Variants in AGPAT4 observed in about 807,000 individuals in gnomAD.
The protein encoded by AGPAT4 is 1-acyl-sn-glycerol-3-phosphate acyltransferase delta.
Under a neutral mutation model 48.0 loss-of-function variants are expected in AGPAT4, and 15 were observed. The ratio of observed to expected loss-of-function variants is 0.31; its 90% CI spans 0.21 to 0.48. The LOEUF is 0.48. Ranked by LOEUF, AGPAT4 falls within the 20% of genes least tolerant of loss-of-function variation. AGPAT4 has a pLI of 0.99. For missense variants in AGPAT4, 314 were observed against 482.5 expected (o/e 0.65, Z 3.27); for synonymous variants, 178 against 198.7 (o/e 0.90, Z 0.88).
At position 161,132,017 on chromosome 6, in the gene AGPAT4, A is replaced by T. The variant is rs558157997; in HGVS notation, c.*4523T>A. 9 of 152,478 alleles carry T rather than the reference A, an allele frequency of 5.9e-5. No individual in the cohort carries two copies. Among genetic ancestry groups the T allele is most frequent in the African/African-American group, 2.2e-4 (9 of 41,574 alleles). 9.4% of individuals were successfully genotyped at this position (152,478 alleles called of 1,614,324 possible). On this transcript the variant is annotated 3_prime_UTR_variant, in exon 9 of 9. Transcript: ENST00000320285. ...TGAATTAGAGTGCTGGGATGTGCTA[A>T]TGCCTAGGGAGGCATCAGGCACTGT... is the stretch of plus-strand genomic sequence containing the variant.
At position 161,133,990 on chromosome 6, in the gene AGPAT4, TGAG is replaced by T. The variant is rs1303799104; in HGVS notation, c.*2547_*2549del. ...TGACCTGAACATGGGTGAAGGTATT[TGAG>T]GAGGCGTGATGAGCTTCCGTCCAGG... is the stretch of plus-strand genomic sequence containing the variant. On this transcript the variant is annotated 3_prime_UTR_variant, in exon 9 of 9. Coordinates refer to ENST00000320285, the MANE Select transcript of AGPAT4 (RefSeq NM_020133.3). 6.6e-6 allele frequency: 1 copy of T among 152,208 alleles called. No homozygotes were observed. 9.4% of individuals were successfully genotyped at this position (152,208 alleles called of 1,614,324 possible).
intron 2 of AGPAT4, among the ~76,000 whole-genome samples, chr6:161,211,654 T>C (rs1781526261): frequency 1.3e-5 from 2 of 152,168 alleles, no homozygotes; most frequent in Non-Finnish European, 2.9e-5. Flanking sequence ...TATGATCAAG[T>C]TGTCATATTA....
chr6:161,167,912 T>C (rs866122991), intron 2 of AGPAT4, among the ~76,000 whole-genome samples: 3 of 152,240 alleles, frequency 2.0e-5, no homozygotes, highest in Admixed American at 1.3e-4. Context: ...CCCAGCAAAC[T>C]GAAGCTATCA....
At position 161,156,890 on chromosome 6, in the gene AGPAT4, G is replaced by T. The variant is rs142743876; in HGVS notation, c.349-2580C>A. Among the ~76,000 whole-genome samples the T allele has an allele frequency of 2.1e-3, 314 of 152,354 alleles. 2 individuals carry two copies. Among genetic ancestry groups the T allele is most frequent in the African/African-American group, 7.2e-3 (301 of 41,582 alleles). On this transcript the variant is annotated intron_variant, in intron 3 of 8. Coordinates refer to ENST00000320285, the MANE Select transcript of AGPAT4 (RefSeq NM_020133.3). ...GACATGCTCCTGCTGCAGTTAACTAGCCCAACCTATTCCTTTAATTCACCC... is the reference window on the plus strand; with the variant it reads ...GACATGCTCCTGCTGCAGTTAACTATCCCAACCTATTCCTTTAATTCACCC...
chr6:161,208,735 T>C lies in AGPAT4; in HGVS notation c.178+23301A>G, dbSNP rs974106423. ...TGTTCAAAAGAAAACTATTTGGTGC[T>C]GATTTATTTAAATAAAAAATTATTT... On this transcript the variant is annotated intron_variant, in intron 2 of 8. Coordinates refer to ENST00000320285, the MANE Select transcript of AGPAT4 (RefSeq NM_020133.3). This position sits in a 1 kb window ranked among gnomAD's most constrained non-coding sequence, Gnocchi z 4.6. Among the ~76,000 whole-genome samples, 3 of 152,240 alleles carry C rather than the reference T, an allele frequency of 2.0e-5. No homozygotes were observed. Among genetic ancestry groups the C allele is most frequent in the African/African-American group, 7.2e-5 (3 of 41,464 alleles).
rs1377263162 is a variant in AGPAT4 at position 161,231,403 on chromosome 6, G to A, written c.178+633C>T. On this transcript the variant is annotated intron_variant, in intron 2 of 8. Coordinates refer to ENST00000320285, the MANE Select transcript of AGPAT4 (RefSeq NM_020133.3). This position sits in a 1 kb window ranked among gnomAD's most constrained non-coding sequence, Gnocchi z 5.3. Reference sequence around the variant, plus strand: ...CACACACAAATGAGTGTACTTAAAAGTGGAGAAATAGGAGTAGGGTTGTGG... The same window carrying A: ...CACACACAAATGAGTGTACTTAAAAATGGAGAAATAGGAGTAGGGTTGTGG... 6.6e-6 allele frequency among the ~76,000 whole-genome samples: 1 copy of A among 152,004 alleles called. No homozygotes were observed. Among genetic ancestry groups the A allele is most frequent in the Non-Finnish European group, 1.5e-5 (1 of 68,022 alleles).
chr6:161,183,360 C>T (rs971550957), intron 2 of AGPAT4, among the ~76,000 whole-genome samples: 7 of 151,960 alleles, frequency 4.6e-5, no homozygotes, highest in African/African-American at 1.7e-4. Context: ...AGGCTCACAA[C>T]TGTAATCCCA....
chr6:161,200,752 A>G lies in AGPAT4; in HGVS notation c.178+31284T>C, dbSNP rs3798930. ...TCAAATGAGGCTCCATCTGTTCCTG[A>G]AGCCATACGGTCCATGTGTTACACT... On this transcript the variant is annotated intron_variant, in intron 2 of 8. Coordinates refer to ENST00000320285, the MANE Select transcript of AGPAT4 (RefSeq NM_020133.3). This position sits in a 1 kb window ranked among gnomAD's most constrained non-coding sequence, Gnocchi z 5.5. 0.68 allele frequency among the ~76,000 whole-genome samples: 103,768 copies of G among 152,090 alleles called. 36,559 individuals are homozygous for G. Among genetic ancestry groups the G allele is most frequent in the African/African-American group, 0.86 (35,534 of 41,512 alleles).
rs1164400232 is a variant in AGPAT4 at position 161,149,424 on chromosome 6, T to C, written c.665-135A>G. 2 of 692,382 alleles carry C rather than the reference T, an allele frequency of 2.9e-6. No individual in the cohort carries two copies. Among genetic ancestry groups the C allele is most frequent in the South Asian group, 4.6e-5 (2 of 43,260 alleles). The allele number at this position is 692,382 out of a possible 1,614,324, so 42.9% of individuals were successfully genotyped here. On this transcript the variant is annotated intron_variant, in intron 5 of 8. Coordinates refer to ENST00000320285, the MANE Select transcript of AGPAT4 (RefSeq NM_020133.3). The surrounding 1 kb of genome is among the most constrained non-coding windows in gnomAD (Gnocchi z 6.5). ...AAATGGTGTGGTCAGATTTCTTTCTTTCTATATGGTCCACATGTTCTACAC... is the reference window on the plus strand; with the variant it reads ...AAATGGTGTGGTCAGATTTCTTTCTCTCTATATGGTCCACATGTTCTACAC...
chr6:161,178,484 C>T lies in AGPAT4; in HGVS notation c.179-12067G>A, dbSNP rs1455693551. Among the ~76,000 whole-genome samples, 3 of 152,294 alleles carry T rather than the reference C, an allele frequency of 2.0e-5. No individual in the cohort carries two copies. Among genetic ancestry groups the T allele is most frequent in the Non-Finnish European group, 2.9e-5 (2 of 68,032 alleles). On this transcript the variant is annotated intron_variant, in intron 2 of 8. Coordinates refer to ENST00000320285, the MANE Select transcript of AGPAT4 (RefSeq NM_020133.3). This position sits in a 1 kb window ranked among gnomAD's most constrained non-coding sequence, Gnocchi z 5.1. ...CCATTTGCTAAGACCGTTGGAAAAG[C>T]GCAGTATTAGGGTGGGAGTGAACCA...
chr6:161,213,675 T>C (rs1481940484), intron 2 of AGPAT4, among the ~76,000 whole-genome samples: 1 of 152,212 alleles, frequency 6.6e-6, no homozygotes, highest in East Asian at 1.9e-4. Flanking sequence ...TGCCTACTGA[T>C]GTATGGGCTT....
rs1782205214 is a variant in AGPAT4 at position 161,234,254 on chromosome 6, G to T, written c.-89-1952C>A. Among the ~76,000 whole-genome samples, 1 of 152,194 alleles carries T rather than the reference G, an allele frequency of 6.6e-6. No individual in the cohort carries two copies. The highest frequency in any genetic ancestry group is 2.1e-4 in the South Asian group (1 of 4,824). On this transcript the variant is annotated intron_variant, in intron 1 of 8. Transcript: ENST00000320285. The surrounding 1 kb of genome is among the most constrained non-coding windows in gnomAD (Gnocchi z 4.4). Reference sequence around the variant, plus strand: ...ACTGGGACTATCCAGAAGGCAGGCTGCATTCCTGCAAGATTCCTATACATT... The same window carrying T: ...ACTGGGACTATCCAGAAGGCAGGCTTCATTCCTGCAAGATTCCTATACATT...
Position 161,142,499 on chromosome 6 carries a change from AGAG to A in AGPAT4, c.844-2882_844-2880del, listed in dbSNP as rs1436050783. 2.6e-5 allele frequency among the ~76,000 whole-genome samples: 4 copies of A among 152,206 alleles called. No individual in the cohort carries two copies. The highest frequency in any genetic ancestry group is 5.9e-5 in the Non-Finnish European group (4 of 68,034). ...GAAAGAAGCATCAACCTACAAGCCA[AGAG>A]GAGAACGAGATCCTATTGAGAGGCG... On this transcript the variant is annotated intron_variant, in intron 7 of 8. Transcript: ENST00000320285. This position sits in a 1 kb window ranked among gnomAD's most constrained non-coding sequence, Gnocchi z 6.4.
intron 1 of AGPAT4, among the ~76,000 whole-genome samples, chr6:161,239,470 GA>G (rs1292364997): frequency 6.6e-6 from 1 of 152,172 alleles, no homozygotes; most frequent in African/African-American, 2.4e-5. Context: ...CCACTAGCTG[GA>G]TTTAAAAGGT....
At chr6:161,194,301 C>A (rs1583318633) in intron 2 of AGPAT4, among the ~76,000 whole-genome samples, 1 of 152,134 alleles carries the variant, frequency 6.6e-6, no homozygotes, top group Admixed American at 6.5e-5. Flanking sequence ...ATGTGCAGTT[C>A]TCATTGTAAT....
intron 1 of AGPAT4, among the ~76,000 whole-genome samples, chr6:161,271,408 C>T (rs1488292845): frequency 3.9e-5 from 6 of 152,202 alleles, no homozygotes; most frequent in Non-Finnish European, 7.3e-5. Flanking sequence ...CTCTGCTCTT[C>T]TTTTCGCCAC....
rs73782848 is a variant in AGPAT4, at chr6:161,266,299, G to T, written c.-90+7639C>A. Among the ~76,000 whole-genome samples, 1 of 152,202 alleles carries T rather than the reference G, an allele frequency of 6.6e-6. No homozygotes were observed. The highest frequency in any genetic ancestry group is 2.4e-5 in the African/African-American group (1 of 41,450). On this transcript the variant is annotated intron_variant, in intron 1 of 8. Coordinates refer to ENST00000320285, the MANE Select transcript of AGPAT4 (RefSeq NM_020133.3). The surrounding 1 kb of genome is among the most constrained non-coding windows in gnomAD (Gnocchi z 6.2). Reference sequence around the variant, plus strand: ...TTGAGGCCCTGGCCAGGAGGCCAGCGATGAGGCAACCCTGATGACCTGACT... The same window carrying T: ...TTGAGGCCCTGGCCAGGAGGCCAGCTATGAGGCAACCCTGATGACCTGACT...
At chr6:161,211,123 T>C (rs1781512294) in intron 2 of AGPAT4, among the ~76,000 whole-genome samples, 1 of 152,220 alleles carries the variant, frequency 6.6e-6, no homozygotes, top group Non-Finnish European at 1.5e-5. Flanking sequence ...CCAACAGTGG[T>C]ACCATAACTT....
chr6:161,157,966 T>A (rs1272663567), intron 3 of AGPAT4, among the ~76,000 whole-genome samples: 2 of 152,212 alleles, frequency 1.3e-5, no homozygotes, highest in Non-Finnish European at 2.9e-5. Context: ...AAAGACTGAA[T>A]AATGTATGGA....
Sources: gnomAD v4.1 joint callset for allele counts (sites outside exome capture counted in the v4.1 genomes callset) on GRCh38, gnomAD v4.1.1 for gene constraint, Gnocchi (gnomAD v3.1) non-coding constraint, MANE v1.5 for transcripts, NCBI Gene and HGNC (gene_info 2026-07-23, HGNC 2026-07-21) for gene names.